SMYD3: variants seen among roughly 807,000 people sequenced by gnomAD.
SMYD3 encodes histone-lysine N-methyltransferase SMYD3.
A neutral mutation model predicts 57.7 loss-of-function variants in SMYD3; 36 were observed. That is an observed-to-expected ratio of 0.62 (90% CI 0.48 to 0.82). SMYD3 has a LOEUF of 0.82. Ranked by LOEUF, SMYD3 falls within the 40% of genes least tolerant of loss-of-function variation. The pLI is 0.00. For missense variants in SMYD3, 515 were observed against 538.8 expected (o/e 0.96, Z 0.44); for synonymous variants, 211 against 195.0 (o/e 1.08, Z -0.68).
Position 246,248,808 on chromosome 1 carries a change from A to ATTTT in SMYD3, c.531+78389_531+78392dup, listed in dbSNP as rs1164274725. 6.9e-3 allele frequency among the ~76,000 whole-genome samples: 621 copies of ATTTT among 90,398 alleles called. 69 individuals carry two copies. The East Asian group carries it at 0.14, about 20-fold the overall frequency. The allele number at this position is 90,398 out of a possible 152,430, so 59.3% of individuals were successfully genotyped here. A position where few individuals can be genotyped will look rare whatever the true frequency, so the allele number is the denominator to read the frequency against. ...AGGCGCCCGCCACCATGCCCGGCTA[A>ATTTT]TTTTTTTTTTTTTTTTTTTTTGTAT... On this transcript the variant is annotated intron_variant, in intron 5 of 11. Transcript: ENST00000490107.
chr1:245,855,271 A>C (rs908268687), intron 10 of SMYD3, among the ~76,000 whole-genome samples: 2 of 151,980 alleles, frequency 1.3e-5, no homozygotes, highest in African/African-American at 4.8e-5. Context: ...GACGCACAAA[A>C]ATTTTAAAAC....
intron 5 of SMYD3, among the ~76,000 whole-genome samples, chr1:245,939,380 C>T (rs1349341460): frequency 1.3e-5 from 2 of 152,124 alleles, no homozygotes; most frequent in East Asian, 3.9e-4. Context: ...AATCCCAACA[C>T]TTTGGGAGGC....
At chr1:245,999,686 G>A (rs1373317657) in intron 5 of SMYD3, among the ~76,000 whole-genome samples, 1 of 152,082 alleles carries the variant, frequency 6.6e-6, no homozygotes, top group East Asian at 1.9e-4. Flanking sequence ...GAGAAAGAGA[G>A]ATAAAGACTA....
chr1:246,241,314 T>A (rs141690433), intron 5 of SMYD3, among the ~76,000 whole-genome samples: 9,016 of 152,286 alleles, frequency 0.059, 433 homozygotes, highest in African/African-American at 0.12. Flanking sequence ...GCTGATGAAT[T>A]TTGTCGAAGG....
At position 246,309,589 on chromosome 1, in the gene SMYD3, G is replaced by A. The variant is rs185475157; in HGVS notation, c.531+17612C>T. Among the ~76,000 whole-genome samples the A allele has an allele frequency of 1.4e-4, 21 of 152,206 alleles. No homozygotes were observed. The Middle Eastern group carries it at 0.014, about 99-fold the overall frequency. On this transcript the variant is annotated intron_variant, in intron 5 of 11. Transcript: ENST00000490107. ...ATCAAAAAAATCTACTGAAGTTACC[G>A]GGCTTTGAAATTACATTCAGAAAAA...
chr1:245,978,770 C>G (rs545927114), intron 5 of SMYD3, among the ~76,000 whole-genome samples: 2 of 152,278 alleles, frequency 1.3e-5, no homozygotes, highest in African/African-American at 4.8e-5. Context: ...CGCCTTACTT[C>G]CCAAACTCCT....
intron 5 of SMYD3, among the ~76,000 whole-genome samples, chr1:246,058,182 G>T (rs1213161947): frequency 2.6e-5 from 4 of 152,158 alleles, no homozygotes; most frequent in Non-Finnish European, 5.9e-5. Context: ...TCCAAACACG[G>T]AATGTACAAC....
intron 5 of SMYD3, among the ~76,000 whole-genome samples, chr1:245,936,874 A>C (rs1397232530): frequency 6.6e-6 from 1 of 152,242 alleles, no homozygotes. Flanking sequence ...TGTTGTGGTA[A>C]TAATGTTTTT....
intron 5 of SMYD3, among the ~76,000 whole-genome samples, chr1:245,961,825 C>G (rs183038890): frequency 5.3e-5 from 8 of 152,292 alleles, no homozygotes; most frequent in Non-Finnish European, 8.8e-5. Flanking sequence ...TCCATGAAAG[C>G]CGGGATTCCT....
intron 5 of SMYD3, among the ~76,000 whole-genome samples, chr1:246,293,345 G>T (rs2064732167): frequency 6.6e-6 from 1 of 152,178 alleles, no homozygotes; most frequent in South Asian, 2.1e-4. Context: ...GCACCCTAGA[G>T]ATCTGGAGCT....
chr1:246,309,600 T>G (rs935337953), intron 5 of SMYD3, among the ~76,000 whole-genome samples: 1 of 152,162 alleles, frequency 6.6e-6, no homozygotes, highest in Non-Finnish European at 1.5e-5. Context: ...GGCTTTGAAA[T>G]TACATTCAGA....
chr1:246,479,741 C>T (rs2068078060), intron 1 of SMYD3, among the ~76,000 whole-genome samples: 1 of 152,044 alleles, frequency 6.6e-6, no homozygotes, highest in South Asian at 2.1e-4. Flanking sequence ...CTCCTGGGCT[C>T]AAGCAATCCT....
chr1:246,469,297 C>T (rs993528501), intron 1 of SMYD3, among the ~76,000 whole-genome samples: 1 of 152,102 alleles, frequency 6.6e-6, no homozygotes, highest in Non-Finnish European at 1.5e-5. Context: ...TCCCCTTGGC[C>T]GAAAAAGGCC....
intron 1 of SMYD3, among the ~76,000 whole-genome samples, chr1:246,452,612 C>T (rs2067648221): frequency 6.6e-6 from 1 of 152,160 alleles, no homozygotes; most frequent in African/African-American, 2.4e-5. Context: ...ATAGGCACAA[C>T]TGTTTACTCC....
chr1:246,242,681 G>A (rs1279822031), intron 5 of SMYD3, among the ~76,000 whole-genome samples: 2 of 151,524 alleles, frequency 1.3e-5, no homozygotes, highest in African/African-American at 2.4e-5. Context: ...AGACCCATCA[G>A]TGTGCTGTAT....
intron 11 of SMYD3, among the ~76,000 whole-genome samples, chr1:245,752,273 T>C (rs1211142095): frequency 2.0e-5 from 3 of 152,150 alleles, no homozygotes; most frequent in Non-Finnish European, 4.4e-5. Context: ...TAACCCTCCG[T>C]CCTGAAAAAG....
At chr1:246,237,736 A>G (rs545546311) in intron 5 of SMYD3, among the ~76,000 whole-genome samples, 21 of 152,204 alleles carry the variant, frequency 1.4e-4, no homozygotes, top group Admixed American at 1.1e-3. Flanking sequence ...TACAAACATA[A>G]AAGCATTTTA....
chr1:245,783,189 G>C (rs1007155105), intron 10 of SMYD3, among the ~76,000 whole-genome samples: 6 of 152,170 alleles, frequency 3.9e-5, no homozygotes, highest in African/African-American at 1.2e-4. Flanking sequence ...CGTGATAAGA[G>C]AAGGCTGAGA....
At chr1:246,214,681 T>C (rs1174008984) in intron 5 of SMYD3, among the ~76,000 whole-genome samples, 2 of 152,144 alleles carry the variant, frequency 1.3e-5, no homozygotes, top group African/African-American at 4.8e-5. Flanking sequence ...CTATCCAGCA[T>C]TTTCTATAAG....
Sources: gnomAD v4.1 joint callset for allele counts (sites outside exome capture counted in the v4.1 genomes callset) on GRCh38, gnomAD v4.1.1 for gene constraint, MANE v1.5 for transcripts, NCBI Gene and HGNC (gene_info 2026-07-23, HGNC 2026-07-21) for gene names.